Variants in SLC44A5 observed in about 807,000 individuals in gnomAD.
The protein encoded by SLC44A5 is choline transporter-like protein 5.
A neutral mutation model predicts 101.8 loss-of-function variants in SLC44A5; 57 were observed. The ratio of observed to expected loss-of-function variants is 0.56; its 90% confidence interval spans 0.45 to 0.70. SLC44A5 has a LOEUF of 0.70. SLC44A5 is among the 30% of genes least tolerant of loss of function. SLC44A5 has a pLI of 0.00. For synonymous variants in SLC44A5, 281 were observed against 290.9 expected, an observed-to-expected ratio of 0.97 and a Z score of 0.35; for missense variants, 737 against 853.1, an observed-to-expected ratio of 0.86 and a Z score of 1.70.
chr1:75,653,442 A>G, the SLC44A5 span, among the ~76,000 whole-genome samples: 2 of 152,328 alleles, frequency 1.3e-5, no homozygotes, highest in South Asian at 2.1e-4. Flanking sequence ...AGATTGCCCC[A>G]CTGCACTCAA....
At chr1:75,333,859 C>G (rs149643669) in intron 4 of SLC44A5, among the ~76,000 whole-genome samples, 4 of 152,300 alleles carry the variant, frequency 2.6e-5, no homozygotes, top group Non-Finnish European at 5.9e-5. Context: ...TAGTACACAT[C>G]AAAGTATGAG....
intron 1 of SLC44A5, among the ~76,000 whole-genome samples, chr1:75,605,424 C>T (rs1227901569): frequency 6.6e-6 from 1 of 151,592 alleles, no homozygotes; most frequent in African/African-American, 2.4e-5. Context: ...TCCTAATGGC[C>T]CAAAAAAGCT....
At chr1:75,325,937 A>C (rs1656556169) in intron 4 of SLC44A5, among the ~76,000 whole-genome samples, 1 of 152,058 alleles carries the variant, frequency 6.6e-6, no homozygotes, top group African/African-American at 2.4e-5. Flanking sequence ...ATATAGCCTG[A>C]AGATAATTTT....
At chr1:75,289,246 T>A (rs1211923260) in intron 5 of SLC44A5, among the ~76,000 whole-genome samples, 1 of 152,228 alleles carries the variant, frequency 6.6e-6, no homozygotes, top group East Asian at 1.9e-4. Context: ...AAGAGGTGTG[T>A]CACTGGGTCT....
intron 3 of SLC44A5, among the ~76,000 whole-genome samples, chr1:75,354,551 G>GC (rs1309508143): frequency 6.6e-5 from 10 of 152,196 alleles, no homozygotes; most frequent in Non-Finnish European, 5.9e-5. Context: ...GGCTCCCAGA[G>GC]CTTGGGGCCT....
At chr1:75,654,954 C>A in the SLC44A5 span, among the ~76,000 whole-genome samples, 1 of 152,274 alleles carries the variant, frequency 6.6e-6, no homozygotes, top group South Asian at 2.1e-4. Flanking sequence ...CCCCTTTGAG[C>A]TCCTTAATTT....
chr1:75,289,328 G>C lies in SLC44A5; in HGVS notation c.175+11284C>G, dbSNP rs140171456. 1.2e-3 allele frequency among the ~76,000 whole-genome samples: 182 copies of C among 152,250 alleles called. 1 individual carries two copies. The highest frequency in any genetic ancestry group is 4.1e-3 in the African/African-American group (169 of 41,558). On this transcript the variant is annotated intron_variant, in intron 5 of 23. Coordinates refer to ENST00000370859, the MANE Select transcript of SLC44A5 (RefSeq NM_001130058.2). ...TCTCTATTAGAGAGTCACAGTAGAG[G>C]TCTCTAGGGTGTTGAAGAAAATCCA... is the stretch of plus-strand genomic sequence containing the variant.
Position 75,227,803 on chromosome 1 carries a change from A to T in SLC44A5, c.908T>A (p.Val303Glu). 6.2e-7 allele frequency: 1 copy of T among 1,600,348 alleles called. No homozygotes were observed. Among genetic ancestry groups the T allele is most frequent in the African/African-American group, 1.3e-5 (1 of 74,102 alleles). ...YTNLQERPSS[V>E]LTIYDIGIQT... ...AATCCCGATGTCATAGATAGTTAAT[A>T]CAGAACTTGGGCGTTCCTGAAGATT... Residue 303 changes from valine (V) to glutamate (E), a missense_variant, in exon 13 of 24, where the codon GTA becomes GAA. Around this residue, in one of 3 missense-constraint regions of SLC44A5, gnomAD observed 665 missense variants for 764.4 expected, o/e 0.87. Coordinates refer to ENST00000370859, the MANE Select transcript of SLC44A5 (RefSeq NM_001130058.2).
At chr1:75,419,913 G>A (rs1046236612) in intron 2 of SLC44A5, among the ~76,000 whole-genome samples, 1 of 152,102 alleles carries the variant, frequency 6.6e-6, no homozygotes, top group African/African-American at 2.4e-5. Context: ...TGTCTGCTGT[G>A]AACCCTAGAG....
At chr1:75,399,188 G>A (rs1662319536) in intron 2 of SLC44A5, among the ~76,000 whole-genome samples, 1 of 151,890 alleles carries the variant, frequency 6.6e-6, no homozygotes, top group African/African-American at 2.4e-5. Context: ...AAAGAAGCAA[G>A]ACCCTAGACC....
Position 75,241,972 on chromosome 1 carries a change from G to A in SLC44A5, c.532+29C>T, listed in dbSNP as rs770733685. ...TAAGTAGCATTTTGGTAGATCCTAT[G>A]TTTCTAAGGTAAAATAGTTGCCACT... On this transcript the variant is annotated intron_variant, in intron 9 of 23. Coordinates refer to ENST00000370859, the MANE Select transcript of SLC44A5 (RefSeq NM_001130058.2). The A allele has an allele frequency of 5.7e-6, 9 of 1,580,086 alleles. No homozygotes were observed. In the African/African-American group the frequency reaches 1.2e-4, roughly 21 times the overall value.
the SLC44A5 span, among the ~76,000 whole-genome samples, chr1:75,678,402 C>T: frequency 6.6e-6 from 1 of 152,162 alleles, no homozygotes; most frequent in Non-Finnish European, 1.5e-5. Flanking sequence ...TCCCAGTACG[C>T]AGCTGGAGAT....
intron 2 of SLC44A5, among the ~76,000 whole-genome samples, chr1:75,454,447 G>T (rs961938601): frequency 5.3e-5 from 8 of 151,998 alleles, no homozygotes; most frequent in African/African-American, 1.9e-4. Flanking sequence ...ACATCATACT[G>T]AATAGGCAAA....
intron 22 of SLC44A5, 47 bp from the exon 23 acceptor site, chr1:75,211,599 A>G: frequency 7.4e-7 from 1 of 1,350,700 alleles, no homozygotes; most frequent in South Asian, 1.2e-5. Context: ...TACTTTGACC[A>G]GAAGAAGAAT....
At chr1:75,627,326 G>A in the SLC44A5 span, among the ~76,000 whole-genome samples, 5 of 151,968 alleles carry the variant, frequency 3.3e-5, no homozygotes, top group Non-Finnish European at 7.4e-5. Flanking sequence ...AGAGCAGTAG[G>A]GGATAGGGTT....
At chr1:75,303,478 C>T (rs985224876) in intron 4 of SLC44A5, among the ~76,000 whole-genome samples, 1 of 152,206 alleles carries the variant, frequency 6.6e-6, no homozygotes, top group African/African-American at 2.4e-5. Context: ...TCGTGATCCA[C>T]CCACCTTGGC....
intron 4 of SLC44A5, among the ~76,000 whole-genome samples, chr1:75,323,669 A>G (rs975402486): frequency 6.6e-6 from 1 of 152,202 alleles, no homozygotes; most frequent in Non-Finnish European, 1.5e-5. Context: ...TTTAAATTCT[A>G]TGGTTGAATG....
At chr1:75,286,275 T>C (rs1431062145) in intron 5 of SLC44A5, among the ~76,000 whole-genome samples, 3 of 152,162 alleles carry the variant, frequency 2.0e-5, no homozygotes, top group Non-Finnish European at 4.4e-5. Context: ...TTTTATTTGA[T>C]ATAAGAATAG....
chr1:75,383,352 C>A (rs1026449723), intron 3 of SLC44A5, among the ~76,000 whole-genome samples: 1 of 146,468 alleles, frequency 6.8e-6, no homozygotes, highest in Non-Finnish European at 1.5e-5. Flanking sequence ...CCCGGTTCCC[C>A]TTATTTCTTT....
Sources: allele counts gnomAD v4.1 joint callset (sites outside exome capture counted in the v4.1 genomes callset), GRCh38; gene constraint gnomAD v4.1.1; regional missense constraint gnomAD v4.1.1; transcripts MANE v1.5; gene names NCBI Gene and HGNC (gene_info 2026-07-23, HGNC 2026-07-21).